Variants in SIDT1 observed in about 807,000 individuals in gnomAD.
The protein encoded by SIDT1 is SID1 transmembrane family, member 1.
A neutral mutation model predicts 107.5 loss-of-function variants in SIDT1; 101 were observed. The ratio of observed to expected loss-of-function variants is 0.94; its 90% CI spans 0.80 to 1.11. SIDT1 has a LOEUF of 1.11. SIDT1 is among the 50% of genes least tolerant of loss of function. The pLI, the probability that SIDT1 is intolerant of heterozygous loss-of-function variation, is 0.00. For missense variants in SIDT1, 1,076 were observed against 1,058.2 expected (o/e 1.02, Z -0.23); for synonymous variants, 395 against 398.2 (o/e 0.99, Z 0.10).
chr3:113,554,089 C>G (rs922521598), intron 1 of SIDT1, among the ~76,000 whole-genome samples: 1 of 152,010 alleles, frequency 6.6e-6, no homozygotes, highest in Admixed American at 6.6e-5. Context: ...AACTGAGGAA[C>G]CTGGAGAGAC....
At chr3:113,535,657 A>G (rs1232028324) in intron 1 of SIDT1, among the ~76,000 whole-genome samples, 1 of 152,220 alleles carries the variant, frequency 6.6e-6, no homozygotes, top group Non-Finnish European at 1.5e-5. Flanking sequence ...TGAGAAATAC[A>G]AAGTTGGGAA....
downstream of SIDT1, among the ~76,000 whole-genome samples, chr3:113,632,297 A>ACT (rs1242538739): frequency 6.6e-6 from 1 of 152,112 alleles, no homozygotes; most frequent in Non-Finnish European, 1.5e-5. Context: ...GTGAGTTATG[A>ACT]CTCTAGGTCC....
Position 113,619,893 on chromosome 3 carries a change from A to G in SIDT1, c.2090+167A>G, listed in dbSNP as rs1576982672. On this transcript the variant is annotated intron_variant, in intron 21 of 24. Transcript: ENST00000264852. The stretch of plus-strand genomic sequence containing the variant: ...GGTAGTAGGACATTCTCGTGTAGCA[A>G]TTGTAGCCTCTCTTAAAACACTGAT... 4.8e-6 allele frequency: 3 copies of G among 630,192 alleles called. No individual in the cohort carries two copies. The African/African-American group carries it at 5.5e-5, about 12-fold the overall frequency. The allele number at this position is 630,192 out of a possible 1,614,324, so 39.0% of individuals were successfully genotyped here.
At chr3:113,605,470 T>G (rs1945262001) in intron 14 of SIDT1, among the ~76,000 whole-genome samples, 1 of 152,184 alleles carries the variant, frequency 6.6e-6, no homozygotes, top group Non-Finnish European at 1.5e-5. Flanking sequence ...TTCCCAATTG[T>G]TTTATCACAA....
At chr3:113,573,211 G>A (rs1393263774) in intron 3 of SIDT1, among the ~76,000 whole-genome samples, 2 of 152,188 alleles carry the variant, frequency 1.3e-5, no homozygotes, top group Non-Finnish European at 2.9e-5. Context: ...CAGGATCAGG[G>A]AAGTGACAGC....
intron 7 of SIDT1, among the ~76,000 whole-genome samples, chr3:113,584,015 G>T (rs1426946854): frequency 2.6e-5 from 4 of 152,218 alleles, no homozygotes; most frequent in Non-Finnish European, 5.9e-5. Flanking sequence ...GGGGTTATGG[G>T]GGCTCTTAGG....
intron 14 of SIDT1, among the ~76,000 whole-genome samples, chr3:113,605,419 C>A (rs1156532371): frequency 2.0e-5 from 3 of 152,168 alleles, no homozygotes; most frequent in Admixed American, 2.0e-4. Context: ...AGCCACCACA[C>A]CCAGCCCATT....
chr3:113,601,372 A>C, intron 10 of SIDT1: 1 of 408,122 alleles, frequency 2.5e-6, no homozygotes, highest in Non-Finnish European at 4.4e-6. Context: ...CCAGTCATTT[A>C]AAGGTTTGAA....
intron 17 of SIDT1, among the ~76,000 whole-genome samples, chr3:113,609,578 A>T (rs1945595024): frequency 6.6e-6 from 1 of 152,220 alleles, no homozygotes; most frequent in Non-Finnish European, 1.5e-5. Flanking sequence ...TTGAGATGTT[A>T]TTAAGAAGGA....
chr3:113,605,122 C>CTTT, intron 14 of SIDT1, 146 bp downstream of exon 14: 4 of 306,992 alleles, frequency 1.3e-5, no homozygotes, highest in South Asian at 6.2e-5. Context: ...CTATTGCTTC[C>CTTT]TCTTTTTTTT....
chr3:113,602,938 G>T, intron 11 of SIDT1, 67 bp from the exon 12 acceptor site: 1 of 1,552,536 alleles, frequency 6.4e-7, no homozygotes. Flanking sequence ...TGTGCTTTTT[G>T]CAGAGACGAA....
chr3:113,635,183 G>A, the SIDT1 span, among the ~76,000 whole-genome samples: 1 of 152,194 alleles, frequency 6.6e-6, no homozygotes, highest in African/African-American at 2.4e-5. Context: ...GGAATGTAGT[G>A]TGGTTATTTA....
chr3:113,621,139 G>A (rs977648000), intron 21 of SIDT1, among the ~76,000 whole-genome samples: 1 of 152,186 alleles, frequency 6.6e-6, no homozygotes, highest in Non-Finnish European at 1.5e-5. Context: ...GCATAGAGAT[G>A]TATGTACATA....
intron 3 of SIDT1, among the ~76,000 whole-genome samples, chr3:113,571,520 C>CACACA (rs1942454406): frequency 1.0e-5 from 1 of 95,416 alleles, no homozygotes; most frequent in East Asian, 6.8e-4. Context: ...ATAAACTGTG[C>CACACA]CACTACTCTT....
At chr3:113,553,933 G>C (rs1306951102) in intron 1 of SIDT1, among the ~76,000 whole-genome samples, 1 of 152,212 alleles carries the variant, frequency 6.6e-6, no homozygotes, top group African/African-American at 2.4e-5. Context: ...TGTAACCCCA[G>C]CTACTTGGGA....
intron 21 of SIDT1, among the ~76,000 whole-genome samples, chr3:113,620,831 A>C (rs965579266): frequency 6.6e-6 from 1 of 152,196 alleles, no homozygotes; most frequent in Non-Finnish European, 1.5e-5. Flanking sequence ...CCTCTTGATA[A>C]TGACCAACCT....
rs533435818 is a variant in SIDT1 at position 113,616,120 on chromosome 3, G to A, written c.1987G>A (p.Ala663Thr). 6.2e-7 allele frequency: 1 copy of A among 1,613,932 alleles called. No individual in the cohort carries two copies. The highest frequency in any genetic ancestry group is 1.1e-5 in the South Asian group (1 of 91,080). ...AGCAGATTTGGGAATTTTCCGGCGGGCTGCCATGGTGTTCTACACAGACTG... is the reference window on the plus strand; with the variant it reads ...AGCAGATTTGGGAATTTTCCGGCGGACTGCCATGGTGTTCTACACAGACTG... ...FKIDLGIFRR[A>T]AMVFYTDCIQ... The change falls in exon 20 of 25, where the codon GCT becomes ACT. Residue 663 changes from alanine (A) to threonine (T), a missense_variant. Transcript: ENST00000264852.
chr3:113,608,671 C>T (rs1945519227), intron 17 of SIDT1, 135 bp downstream of exon 17: 1 of 691,972 alleles, frequency 1.4e-6, no homozygotes, highest in African/African-American at 1.8e-5. Flanking sequence ...GAGAGGACCT[C>T]CACACAGAGC....
intron 1 of SIDT1, among the ~76,000 whole-genome samples, chr3:113,558,258 C>T (rs7639565): frequency 0.47 from 71,980 of 152,000 alleles, 17,660 homozygotes; most frequent in East Asian, 0.73. Flanking sequence ...AGGAAACATT[C>T]TAGACATTTA....
Sources: gnomAD v4.1 joint callset for allele counts (sites outside exome capture counted in the v4.1 genomes callset) on GRCh38, gnomAD v4.1.1 for gene constraint, MANE v1.5 for transcripts, NCBI Gene and HGNC (gene_info 2026-07-23, HGNC 2026-07-21) for gene names.